PIK3C3: variants seen among roughly 807,000 people sequenced by gnomAD.
PIK3C3 encodes phosphatidylinositol 3-kinase catalytic subunit type 3, also known as PI3-kinase type 3.
In PIK3C3, 95 loss-of-function variants were observed where a neutral mutation model predicts 126.1. That is an observed-to-expected ratio of 0.75 (90% CI 0.64 to 0.89). The LOEUF (loss-of-function observed/expected upper bound fraction) is 0.89, where lower values mean the gene tolerates loss of function less well. PIK3C3 is among the 40% of genes least tolerant of loss of function. The pLI, the probability that PIK3C3 is intolerant of heterozygous loss-of-function variation, is 0.00. For synonymous variants in PIK3C3, 374 were observed against 360.0 expected, an observed-to-expected ratio of 1.04 and a Z score of -0.44; for missense variants, 829 against 1,063.2, an observed-to-expected ratio of 0.78 and a Z score of 3.06.
intron 20 of PIK3C3, among the ~76,000 whole-genome samples, chr18:42,044,841 T>C (rs1984491958): frequency 6.6e-6 from 1 of 152,222 alleles, no homozygotes; most frequent in Non-Finnish European, 1.5e-5. Flanking sequence ...AACTATTTTA[T>C]ATAAGCGCTA....
chr18:41,990,445 A>AT lies in PIK3C3; in HGVS notation c.619-4dup, dbSNP rs750074973. 9.2e-3 allele frequency: 11,743 copies of AT among 1,281,422 alleles called. 7 individuals carry two copies. The highest frequency in any genetic ancestry group is 0.013 in the African/African-American group (869 of 67,090). 79.4% of individuals were successfully genotyped at this position (1,281,422 alleles called of 1,614,324 possible). A position where few individuals can be genotyped will look rare whatever the true frequency, so the allele number is the denominator to read the frequency against. On this transcript the variant is annotated splice_polypyrimidine_tract_variant and intron_variant, in intron 5 of 24. Transcript: ENST00000262039. ...AAAATAATCATTTTTCATGAAAATC[A>AT]TTTTTTTTTTCAGAGTGAAAAACGA... is the stretch of plus-strand genomic sequence containing the variant.
rs1241303211 is a variant in PIK3C3 at position 41,955,379 on chromosome 18, A to G, written c.68+20A>G. On this transcript the variant is annotated intron_variant, in intron 1 of 24. Transcript: ENST00000262039. ...TAAGATGTAAGAGAACACTCGGGAC[A>G]GGGAGTGGGATTGCTGGGGCGTAGG... The G allele has an allele frequency of 2.5e-6, 4 of 1,604,936 alleles. No homozygotes were observed. Among genetic ancestry groups the G allele is most frequent in the Non-Finnish European group, 3.4e-6 (4 of 1,172,786 alleles).
At chr18:41,966,302 C>T (rs896410431) in intron 3 of PIK3C3, among the ~76,000 whole-genome samples, 18 of 150,888 alleles carry the variant, frequency 1.2e-4, no homozygotes, top group African/African-American at 4.1e-4. Context: ...CCTGAGTAGC[C>T]GGGATTACAG....
intron 24 of PIK3C3, among the ~76,000 whole-genome samples, chr18:42,075,282 A>T (rs892986698): frequency 1.3e-5 from 2 of 152,180 alleles, no homozygotes; most frequent in African/African-American, 4.8e-5. Context: ...TCAAATAGAA[A>T]TCCTTTTAAT....
intron 10 of PIK3C3, among the ~76,000 whole-genome samples, chr18:42,011,586 A>C (rs753138277): frequency 2.0e-5 from 3 of 152,134 alleles, no homozygotes; most frequent in Non-Finnish European, 4.4e-5. Context: ...CAAAACTTCT[A>C]TATCAGCAAT....
chr18:41,980,341 G>T (rs1222989901), intron 4 of PIK3C3, among the ~76,000 whole-genome samples: 1 of 152,114 alleles, frequency 6.6e-6, no homozygotes, highest in Non-Finnish European at 1.5e-5. Flanking sequence ...CAAGTAGCTT[G>T]ATAATCTTCG....
chr18:41,990,764 A>G (rs1393295936), intron 6 of PIK3C3, among the ~76,000 whole-genome samples: 1 of 152,204 alleles, frequency 6.6e-6, no homozygotes, highest in Non-Finnish European at 1.5e-5. Flanking sequence ...GTTCTGGGTT[A>G]CAGAATTCAA....
chr18:41,996,381 G>T (rs1164282782), intron 8 of PIK3C3, among the ~76,000 whole-genome samples: 1 of 151,970 alleles, frequency 6.6e-6, no homozygotes, highest in Non-Finnish European at 1.5e-5. Context: ...TTTGTTTCTG[G>T]TTGAATTAAA....
Position 42,076,089 on chromosome 18 carries a change from C to CATATATATAT in PIK3C3, c.2650-5011_2650-5002dup, listed in dbSNP as rs71174077. The stretch of plus-strand genomic sequence containing the variant: ...CATCAGCACTGGCTGCTTTACCTTG[C>CATATATATAT]ATATATATATATATATATATATATA... On this transcript the variant is annotated intron_variant, in intron 24 of 24. Transcript: ENST00000262039. 4.1e-3 allele frequency among the ~76,000 whole-genome samples: 225 copies of CATATATATAT among 54,576 alleles called. 1 individual carries two copies. The highest frequency in any genetic ancestry group is 0.012 in the East Asian group (19 of 1,592). The allele number at this position is 54,576 out of a possible 152,430, so 35.8% of individuals were successfully genotyped here.
At chr18:42,034,858 A>G (rs149442196) in intron 16 of PIK3C3, among the ~76,000 whole-genome samples, 14 of 152,346 alleles carry the variant, frequency 9.2e-5, no homozygotes, top group African/African-American at 2.6e-4. Context: ...GGGTGTAATT[A>G]TAGTAGGAAA....
At chr18:42,042,336 G>GT (rs1327351097) in intron 19 of PIK3C3, among the ~76,000 whole-genome samples, 3 of 152,182 alleles carry the variant, frequency 2.0e-5, no homozygotes, top group Non-Finnish European at 4.4e-5. Flanking sequence ...TTCTGTGTAT[G>GT]TTTTCCATGT....
intron 12 of PIK3C3, among the ~76,000 whole-genome samples, chr18:42,018,998 A>G (rs28628084): frequency 3.4e-3 from 524 of 152,078 alleles, no homozygotes; most frequent in African/African-American, 0.012. Flanking sequence ...GTGATTTTTC[A>G]TACCATTTCC....
chr18:41,999,727 A>G (rs1200728352), intron 9 of PIK3C3, among the ~76,000 whole-genome samples: 2 of 152,210 alleles, frequency 1.3e-5, no homozygotes, highest in Non-Finnish European at 2.9e-5. Context: ...TAATAAACAT[A>G]TAAGTAATTA....
intron 7 of PIK3C3, among the ~76,000 whole-genome samples, chr18:41,994,229 C>T (rs1981919148): frequency 6.6e-6 from 1 of 152,072 alleles, no homozygotes; most frequent in South Asian, 2.1e-4. Context: ...AAGAAAAGGC[C>T]ACTTGCGGAT....
intron 18 of PIK3C3, 118 bp from the exon 19 acceptor site, chr18:42,040,559 T>C (rs1253365637): frequency 1.5e-6 from 1 of 688,356 alleles, no homozygotes; most frequent in African/African-American, 1.8e-5. Context: ...CTGATCTTTT[T>C]AAGTTGTTCA....
intron 15 of PIK3C3, 97 bp downstream of exon 15, chr18:42,029,538 T>A: frequency 6.4e-6 from 2 of 312,364 alleles, no homozygotes; most frequent in African/African-American, 3.9e-5. Flanking sequence ...ACGTGAATTT[T>A]TTTTTTTTTT....
intron 9 of PIK3C3, among the ~76,000 whole-genome samples, chr18:42,000,721 C>A (rs955690688): frequency 3.9e-5 from 6 of 152,116 alleles, no homozygotes; most frequent in Non-Finnish European, 2.9e-5. Flanking sequence ...AGGAGCAAGT[C>A]ATGTCTTACG....
chr18:42,022,496 C>T (rs1345747771), intron 13 of PIK3C3, among the ~76,000 whole-genome samples: 1 of 152,170 alleles, frequency 6.6e-6, no homozygotes, highest in Non-Finnish European at 1.5e-5. Context: ...TCTTTTAACA[C>T]ACACAATTTT....
chr18:42,013,685 A>G (rs1248562695), intron 11 of PIK3C3, 89 bp downstream of exon 11: 28 of 951,174 alleles, frequency 2.9e-5, no homozygotes, highest in Non-Finnish European at 9.8e-6. Flanking sequence ...TAGATGTACC[A>G]AATGCTAGTG....
Sources: allele counts gnomAD v4.1 joint callset (sites outside exome capture counted in the v4.1 genomes callset), GRCh38; gene constraint gnomAD v4.1.1; transcripts MANE v1.5; gene names NCBI Gene and HGNC (gene_info 2026-07-23, HGNC 2026-07-21).